CDH26: variants seen among roughly 807,000 people sequenced by gnomAD.
The protein encoded by CDH26 is cadherin-like protein 26.
A neutral mutation model predicts 90.3 loss-of-function variants in CDH26; 83 were observed. The observed-to-expected ratio is 0.92, with a 90% CI of 0.77 to 1.10. The LOEUF (loss-of-function observed/expected upper bound fraction) is 1.10, where lower values mean the gene tolerates loss of function less well. Ranked by LOEUF, CDH26 falls within the 50% of genes least tolerant of loss-of-function variation. The probability of loss-of-function intolerance (pLI) is 0.00; values close to 1 mark genes in which losing one functional copy is unlikely to be tolerated. For missense variants in CDH26, 1,013 were observed against 1,037.6 expected, an observed-to-expected ratio of 0.98 and a Z score of 0.33; for synonymous variants, 397 against 396.3, an observed-to-expected ratio of 1.00 and a Z score of -0.02.
rs1232255916 is a variant in CDH26, at chr20:59,992,330, A to G, written c.1284-48A>G. On this transcript the variant is annotated intron_variant, in intron 9 of 17. Coordinates refer to ENST00000348616, the MANE Select transcript of CDH26 (RefSeq NM_177980.4). The surrounding 1 kb of genome is among the most constrained non-coding windows in gnomAD (Gnocchi z 5.0). ...TTTTATGCAACTTTTTTATCTTTTA[A>G]TGTAAGTTTTTAATTTTAAAAATTG... 1.9e-6 allele frequency: 3 copies of G among 1,568,844 alleles called. No individual in the cohort carries two copies. Among genetic ancestry groups the G allele is most frequent in the African/African-American group, 2.8e-5 (2 of 72,348 alleles).
chr20:60,027,784 G>C (rs1010092742), intron 7 of CDH26, among the ~76,000 whole-genome samples: 8 of 152,142 alleles, frequency 5.3e-5, no homozygotes, highest in Non-Finnish European at 1.0e-4. Flanking sequence ...TGTCTACCAA[G>C]CTGGAAGACC....
chr20:59,992,590 G>GCTGAAAGACGCTCACC lies in CDH26; in HGVS notation c.1426+70_1426+71insCTGAAAGACGCTCACC. ...CTTCCTGCGGGAAAATAACCCTGGT[G>GCTGAAAGACGCTCACC]AGCGTCTTTCAGCACAGCAGAGAAA... On this transcript the variant is annotated intron_variant, in intron 10 of 17. Transcript: ENST00000348616. This position sits in a 1 kb window ranked among gnomAD's most constrained non-coding sequence, Gnocchi z 5.0. 6.6e-7 allele frequency: 1 copy of GCTGAAAGACGCTCACC among 1,514,038 alleles called. No homozygotes were observed. Among genetic ancestry groups the GCTGAAAGACGCTCACC allele is most frequent in the Non-Finnish European group, 9.2e-7 (1 of 1,091,460 alleles). 93.8% of individuals were successfully genotyped at this position (1,514,038 alleles called of 1,614,324 possible).
intron 17 of CDH26, among the ~76,000 whole-genome samples, chr20:60,011,132 G>C (rs195012): frequency 0.041 from 6,238 of 152,334 alleles, 428 homozygotes; most frequent in African/African-American, 0.14. Flanking sequence ...TGGCCATGGG[G>C]CTGGAGGAGA....
intron 5 of CDH26, 128 bp downstream of exon 5, chr20:59,983,198 G>T (rs193038954): frequency 5.4e-6 from 6 of 1,116,194 alleles, no homozygotes; most frequent in Non-Finnish European, 7.6e-6. Context: ...CTCAAAGATC[G>T]CAGGCCTTGG....
chr20:60,018,657 T>C (rs1207891535), downstream of CDH26, among the ~76,000 whole-genome samples: 1 of 151,514 alleles, frequency 6.6e-6, no homozygotes, highest in Non-Finnish European at 1.5e-5. Flanking sequence ...GATTGCCATG[T>C]TGTTATTTTG....
chr20:59,984,615 A>G, intron 5 of CDH26, 24 bp from the exon 6 acceptor site: 2 of 1,598,672 alleles, frequency 1.3e-6, no homozygotes, highest in African/African-American at 2.7e-5. Flanking sequence ...TCTGATAGTA[A>G]CAATTTTTAA....
At chr20:60,026,050 A>T (rs1650752797) in intron 7 of CDH26, among the ~76,000 whole-genome samples, 1 of 152,094 alleles carries the variant, frequency 6.6e-6, no homozygotes, top group Non-Finnish European at 1.5e-5. Context: ...CCTCACTGGG[A>T]TGCATGGCCC....
At position 59,989,306 on chromosome 20, in the gene CDH26, A is replaced by G. The variant is rs2061498333; in HGVS notation, c.1283+143A>G. 4.9e-6 allele frequency: 5 copies of G among 1,018,552 alleles called. No individual in the cohort carries two copies. The African/African-American group carries it at 8.0e-5, about 16-fold the overall frequency. The allele number at this position is 1,018,552 out of a possible 1,614,324, so 63.1% of individuals were successfully genotyped here. A position where few individuals can be genotyped will look rare whatever the true frequency, so the allele number is the denominator to read the frequency against. On this transcript the variant is annotated intron_variant, in intron 9 of 17. Coordinates refer to ENST00000348616, the MANE Select transcript of CDH26 (RefSeq NM_177980.4). ...CGCTTTGGGAGGCCGAGGCGGGTGG[A>G]TCATGAGGTCAAGAGATCGAGACCA...
At position 60,012,740 on chromosome 20, in the gene CDH26, T is replaced by C. The variant is rs900882366; in HGVS notation, c.*10T>C. The C allele has an allele frequency of 5.6e-6, 9 of 1,599,644 alleles. No individual in the cohort carries two copies. Among genetic ancestry groups the C allele is most frequent in the African/African-American group, 1.4e-5 (1 of 73,922 alleles). ...AGGTGTTCCTTCCTAAAAAAAAAAG[T>C]CTATTTTGGAGAATTGAAATAATTC... On this transcript the variant is annotated 3_prime_UTR_variant, in exon 18 of 18. Transcript: ENST00000348616.
chr20:59,979,779 A>G (rs1221320050), intron 4 of CDH26, among the ~76,000 whole-genome samples: 1 of 150,392 alleles, frequency 6.6e-6, no homozygotes, highest in Admixed American at 6.6e-5. Context: ...GGCACCCACC[A>G]CCACACCTGG....
chr20:60,006,923 C>A (rs920266294), intron 17 of CDH26, 136 bp downstream of exon 17: 1 of 655,766 alleles, frequency 1.5e-6, no homozygotes, highest in Non-Finnish European at 2.7e-6. Context: ...AATACCATAG[C>A]CTGACTGGTG....
At chr20:59,989,356 G>A (rs561562488) in intron 9 of CDH26, among the ~76,000 whole-genome samples, 193 bp downstream of exon 9, 2 of 151,446 alleles carry the variant, frequency 1.3e-5, no homozygotes, top group African/African-American at 4.8e-5. Flanking sequence ...GTGAAACCCC[G>A]TCTCTACTAA....
At chr20:59,998,588 C>A (rs1352486472) in intron 13 of CDH26, among the ~76,000 whole-genome samples, 1 of 152,176 alleles carries the variant, frequency 6.6e-6, no homozygotes, top group East Asian at 1.9e-4. Flanking sequence ...ACCAACAAAT[C>A]TTTCTCTTGT....
Position 60,029,951 on chromosome 20 carries a change from A to C in CDH26, c.948-1280A>C, listed in dbSNP as rs117610844. 4.7e-3 allele frequency among the ~76,000 whole-genome samples: 722 copies of C among 152,262 alleles called. 4 individuals carry two copies. The highest frequency in any genetic ancestry group is 4.5e-3 in the Non-Finnish European group (306 of 68,024). ...TGAATAAATGAATAAATAAATAAAT[A>C]ATATATAAAAGCAAAGGAACACATG... On this transcript the variant is annotated intron_variant, in intron 7 of 8. Coordinates refer to the CDH26 transcript ENST00000370991.
At chr20:59,966,291 G>A (rs1483304227) in intron 1 of CDH26, among the ~76,000 whole-genome samples, 8 of 137,750 alleles carry the variant, frequency 5.8e-5, no homozygotes, top group African/African-American at 1.4e-4. Flanking sequence ...AAGCAATCAC[G>A]CAAGTACTTT....
At position 60,013,929 on chromosome 20, in the gene CDH26, T is replaced by C. The variant is rs2061880900; in HGVS notation, c.*1199T>C. On this transcript the variant is annotated 3_prime_UTR_variant, in exon 18 of 18. Coordinates refer to ENST00000348616, the MANE Select transcript of CDH26 (RefSeq NM_177980.4). ...GCACTGGAATGTCTGAATGGGACGC[T>C]TGAATGTGTAGAACAGCTGTACTGA... 1 of 152,142 alleles carries C rather than the reference T, an allele frequency of 6.6e-6. No individual in the cohort carries two copies. The highest frequency in any genetic ancestry group is 2.4e-5 in the African/African-American group (1 of 41,434). 9.4% of individuals were successfully genotyped at this position (152,142 alleles called of 1,614,324 possible). A position where few individuals can be genotyped will look rare whatever the true frequency, so the allele number is the denominator to read the frequency against.
At chr20:59,975,799 C>T (rs959663697) in intron 4 of CDH26, among the ~76,000 whole-genome samples, 3 of 152,126 alleles carry the variant, frequency 2.0e-5, no homozygotes, top group Non-Finnish European at 4.4e-5. Flanking sequence ...AGTAGCACTT[C>T]TTTACTCTTG....
intron 7 of CDH26, chr20:60,031,190 G>T: frequency 9.5e-7 from 1 of 1,047,464 alleles, no homozygotes. Flanking sequence ...CAGCTTTCCA[G>T]GAGAACCTTC....
rs114376866 is a variant in CDH26, at chr20:59,995,723, G to A, written c.1667-110G>A. 4.2e-4 allele frequency: 388 copies of A among 921,052 alleles called. 2 individuals are homozygous for A. In the African/African-American group the frequency reaches 5.8e-3, roughly 14 times the overall value. 57.1% of individuals were successfully genotyped at this position (921,052 alleles called of 1,614,324 possible). Reference sequence around the variant, plus strand: ...GACCCCTCCCTCTAACTCTGCAGTTGGCTTACTTTCATACAGAGCTTGGCC... The same window carrying A: ...GACCCCTCCCTCTAACTCTGCAGTTAGCTTACTTTCATACAGAGCTTGGCC... On this transcript the variant is annotated intron_variant, in intron 11 of 17. Coordinates refer to ENST00000348616, the MANE Select transcript of CDH26 (RefSeq NM_177980.4).
Sources: allele counts gnomAD v4.1 joint callset (sites outside exome capture counted in the v4.1 genomes callset), GRCh38; gene constraint gnomAD v4.1.1; non-coding constraint Gnocchi (gnomAD v3.1); transcripts MANE v1.5; gene names NCBI Gene and HGNC (gene_info 2026-07-23, HGNC 2026-07-21).